The following FAM135B variants were observed in gnomAD, a reference collection of about 807,000 sequenced individuals.
FAM135B encodes family with sequence similarity 135 member B.
A neutral mutation model predicts 127.7 loss-of-function variants in FAM135B; 43 were observed. That is an observed-to-expected ratio of 0.34 (90% CI 0.26 to 0.43). The LOEUF is 0.43. FAM135B is among the 20% of genes least tolerant of loss of function. The pLI is 1.00. For synonymous variants in FAM135B, 670 were observed against 665.1 expected (o/e 1.01, Z -0.11); for missense variants, 1,558 against 1,725.6 (o/e 0.90, Z 1.72).
At chr8:138,479,022 G>T (rs543458042) in intron 1 of FAM135B, among the ~76,000 whole-genome samples, 1 of 152,244 alleles carries the variant, frequency 6.6e-6, no homozygotes, top group East Asian at 1.9e-4. Flanking sequence ...CAAGTTTAAT[G>T]ATTTCTTAGA....
At chr8:138,244,236 A>G (rs1821106209) in intron 6 of FAM135B, among the ~76,000 whole-genome samples, 1 of 150,542 alleles carries the variant, frequency 6.6e-6, no homozygotes, top group African/African-American at 2.5e-5. Context: ...AAACCAATAG[A>G]TGTAATACAA....
chr8:138,268,313 C>T (rs1329945281), intron 3 of FAM135B, among the ~76,000 whole-genome samples: 4 of 152,086 alleles, frequency 2.6e-5, no homozygotes, highest in Admixed American at 6.6e-5. Context: ...TTATCATTGG[C>T]CACATTTTTA....
chr8:138,144,220 A>T (rs767849517), intron 15 of FAM135B: 2 of 152,256 alleles, frequency 1.3e-5, no homozygotes, highest in Non-Finnish European at 2.9e-5. Context: ...GGAGACCAAG[A>T]TCATCCTGGC....
Position 138,178,636 on chromosome 8 carries a change from G to A in FAM135B, c.928C>T (p.Leu310Phe). The A allele has an allele frequency of 6.2e-7, 1 of 1,614,104 alleles. No homozygotes were observed. Among genetic ancestry groups the A allele is most frequent in the Non-Finnish European group, 8.5e-7 (1 of 1,180,014 alleles). The change falls in exon 10 of 20, where the codon CTC becomes TTC. Residue 310 changes from leucine (L) to phenylalanine (F), a missense_variant. Physicochemically the swap from Leu to Phe is conservative, Grantham distance 22 (BLOSUM62 0). Transcript: ENST00000395297. ...AEQISKDLAW[L>F]TSHMMTLWTQ... is the part of the protein sequence containing the mutation. ...CACAGAGTCATCATGTGGGACGTGA[G>A]CCAGGCCAGATCCTTGCTTATCTGC...
intron 1 of FAM135B, among the ~76,000 whole-genome samples, chr8:138,432,614 A>G (rs1320970684): frequency 5.3e-5 from 8 of 152,016 alleles, no homozygotes; most frequent in Non-Finnish European, 1.0e-4. Context: ...AAATAGGGAT[A>G]GCATCCGTAG....
intron 7 of FAM135B, among the ~76,000 whole-genome samples, chr8:138,207,462 G>C (rs1297679332): frequency 6.6e-6 from 1 of 151,734 alleles, no homozygotes; most frequent in African/African-American, 2.4e-5. Context: ...TGCCCACCTT[G>C]GCCTCCCAAA....
In FAM135B at chr8:138,348,608, G is replaced by T. The variant is rs1300409164; in HGVS notation, c.77+19299C>A. Among the ~76,000 whole-genome samples the T allele has an allele frequency of 2.0e-5, 3 of 152,146 alleles. No homozygotes were observed. In the East Asian group the frequency reaches 5.8e-4, roughly 29 times the overall value. On this transcript the variant is annotated intron_variant, in intron 2 of 19. Transcript: ENST00000395297. ...ATATTAACACATCTTCTTCTGGTAA[G>T]GACACTAATGACTGCCCACAACAAC... is the stretch of plus-strand genomic sequence containing the variant.
At chr8:138,410,410 G>C (rs1040097883) in intron 1 of FAM135B, among the ~76,000 whole-genome samples, 9 of 152,186 alleles carry the variant, frequency 5.9e-5, no homozygotes, top group Admixed American at 5.9e-4. Flanking sequence ...TGAAAGGCAA[G>C]TGCCATGTTG....
At chr8:138,134,436 T>G (rs956938391) in intron 19 of FAM135B, among the ~76,000 whole-genome samples, 29 of 152,164 alleles carry the variant, frequency 1.9e-4, no homozygotes, top group African/African-American at 6.5e-4. Flanking sequence ...ACCAGATCAT[T>G]TTCTGCTGAG....
chr8:138,446,821 A>G (rs1283232854), intron 1 of FAM135B, among the ~76,000 whole-genome samples: 4 of 151,922 alleles, frequency 2.6e-5, no homozygotes, highest in South Asian at 2.1e-4. Context: ...TAATTAAACT[A>G]AAGAGCTTCT....
intron 2 of FAM135B, among the ~76,000 whole-genome samples, chr8:138,324,798 G>C (rs1301463260): frequency 6.6e-6 from 1 of 152,188 alleles, no homozygotes; most frequent in Admixed American, 6.5e-5. Flanking sequence ...GTGAGTGTGT[G>C]CTCGTAACGA....
intron 9 of FAM135B, among the ~76,000 whole-genome samples, chr8:138,183,475 C>T (rs150528543): frequency 5.0e-4 from 76 of 152,278 alleles, no homozygotes; most frequent in African/African-American, 1.7e-3. Context: ...ATTACAACAG[C>T]ATGCTCACAG....
At chr8:138,368,173 A>T (rs1830881006) in intron 1 of FAM135B, among the ~76,000 whole-genome samples, 171 bp from the exon 2 acceptor site, 1 of 152,118 alleles carries the variant, frequency 6.6e-6, no homozygotes, top group Non-Finnish European at 1.5e-5. Flanking sequence ...AGAGAGACAA[A>T]ATGACTTGCC....
intron 12 of FAM135B, among the ~76,000 whole-genome samples, chr8:138,164,371 C>CT (rs1378227369): frequency 1.3e-5 from 2 of 152,166 alleles, no homozygotes; most frequent in East Asian, 3.9e-4. Context: ...ATGAGTGCAC[C>CT]TGCACTGTGC....
chr8:138,315,196 A>G (rs2130914849), intron 2 of FAM135B, among the ~76,000 whole-genome samples: 1 of 152,288 alleles, frequency 6.6e-6, no homozygotes, highest in Non-Finnish European at 1.5e-5. Context: ...CATTCAAATT[A>G]CCAACACGTT....
rs775984169 is a variant in FAM135B, at chr8:138,243,092, G to A, written c.543-24C>T. The A allele has an allele frequency of 3.8e-6, 6 of 1,594,396 alleles. No homozygotes were observed. Among genetic ancestry groups the A allele is most frequent in the African/African-American group, 2.7e-5 (2 of 73,848 alleles). On this transcript the variant is annotated intron_variant, in intron 6 of 19. Coordinates refer to ENST00000395297, the MANE Select transcript of FAM135B (RefSeq NM_015912.4). The surrounding 1 kb of genome is among the most constrained non-coding windows in gnomAD (Gnocchi z 7.5). ...AACTAAACAAAAGATAATTGAAAGGGTGAAAAAGGAGGTAAAGAAAGTGAT... is the reference window on the plus strand; with the variant it reads ...AACTAAACAAAAGATAATTGAAAGGATGAAAAAGGAGGTAAAGAAAGTGAT...
intron 7 of FAM135B, among the ~76,000 whole-genome samples, chr8:138,229,917 A>G (rs1291954950): frequency 6.6e-6 from 1 of 152,214 alleles, no homozygotes; most frequent in Non-Finnish European, 1.5e-5. Context: ...TCATGGTTCA[A>G]TTATCTCCAC....
At chr8:138,462,059 G>A (rs1370891736) in intron 1 of FAM135B, among the ~76,000 whole-genome samples, 1 of 151,974 alleles carries the variant, frequency 6.6e-6, no homozygotes, top group African/African-American at 2.4e-5. Context: ...TGATGATGAT[G>A]ATAATGATGA....
intron 7 of FAM135B, among the ~76,000 whole-genome samples, chr8:138,214,319 A>G (rs1335323336): frequency 1.3e-5 from 2 of 152,262 alleles, no homozygotes; most frequent in Non-Finnish European, 2.9e-5. Flanking sequence ...AGAATTAAGC[A>G]TAATACACAC....
Sources: allele counts gnomAD v4.1 joint callset (sites outside exome capture counted in the v4.1 genomes callset), GRCh38; gene constraint gnomAD v4.1.1; non-coding constraint Gnocchi (gnomAD v3.1); transcripts MANE v1.5; gene names NCBI Gene and HGNC (gene_info 2026-07-23, HGNC 2026-07-21).